Variants in TRHDE observed in about 807,000 individuals in gnomAD.
TRHDE encodes thyrotropin releasing hormone degrading enzyme.
TRHDE carries 72 observed loss-of-function variants against 125.7 expected under a neutral mutation model. The ratio of observed to expected loss-of-function variants is 0.57; its 90% CI spans 0.47 to 0.70. The LOEUF (loss-of-function observed/expected upper bound fraction) is 0.70, where lower values mean the gene tolerates loss of function less well. Ranked by LOEUF, TRHDE falls within the 30% of genes least tolerant of loss-of-function variation. TRHDE has a pLI of 0.00. For missense variants in TRHDE, 1,110 were observed against 1,327.1 expected (o/e 0.84, Z 2.54); for synonymous variants, 509 against 509.1 (o/e 1.00, Z 0.00).
intron 3 of TRHDE, among the ~76,000 whole-genome samples, chr12:72,454,214 ACT>A (rs1019423359): frequency 6.6e-6 from 1 of 151,896 alleles, no homozygotes; most frequent in South Asian, 2.1e-4. Flanking sequence ...TATGTAATCA[ACT>A]CTTTGTTTTT....
chr12:72,505,516 A>G (rs1282653721), intron 6 of TRHDE, among the ~76,000 whole-genome samples: 1 of 152,180 alleles, frequency 6.6e-6, no homozygotes, highest in Non-Finnish European at 1.5e-5. Flanking sequence ...GGTTGCTACA[A>G]GCTTGGAAGA....
chr12:72,321,527 T>A (rs752391847), intron 2 of TRHDE, among the ~76,000 whole-genome samples: 1 of 152,170 alleles, frequency 6.6e-6, no homozygotes, highest in Non-Finnish European at 1.5e-5. Context: ...AAATTCACCT[T>A]GCATTTGATG....
chr12:72,350,022 A>G (rs1301090569), intron 2 of TRHDE, among the ~76,000 whole-genome samples: 1 of 151,918 alleles, frequency 6.6e-6, no homozygotes, highest in Admixed American at 6.6e-5. Context: ...AAATGATACC[A>G]TTTTATGTGC....
At chr12:72,503,281 T>G (rs973596310) in intron 6 of TRHDE, among the ~76,000 whole-genome samples, 1 of 152,192 alleles carries the variant, frequency 6.6e-6, no homozygotes, top group Non-Finnish European at 1.5e-5. Context: ...GTAAGTATGT[T>G]GAGTTATGGT....
intron 12 of TRHDE, among the ~76,000 whole-genome samples, chr12:72,606,460 G>T (rs1013887914): frequency 6.6e-6 from 1 of 152,130 alleles, no homozygotes. Context: ...CCACCTTTGT[G>T]TGGCACTTTA....
chr12:72,216,600 A>G (rs1248150764), intron 2 of TRHDE, among the ~76,000 whole-genome samples: 1 of 152,182 alleles, frequency 6.6e-6, no homozygotes, highest in Non-Finnish European at 1.5e-5. Flanking sequence ...TGCACCTTAA[A>G]GAGAAAAAAA....
chr12:72,294,416 C>T (rs1880209414), intron 2 of TRHDE, among the ~76,000 whole-genome samples: 1 of 152,040 alleles, frequency 6.6e-6, no homozygotes, highest in African/African-American at 2.4e-5. Flanking sequence ...GCCAGGGTAT[C>T]CTGACAAGTG....
At chr12:72,108,670 T>TCACCAGAA (rs1413868790) in intron 2 of TRHDE, among the ~76,000 whole-genome samples, 16 of 152,116 alleles carry the variant, frequency 1.1e-4, no homozygotes, top group African/African-American at 3.4e-4. Flanking sequence ...AACCTGGTGT[T>TCACCAGAA]CTGGTGCAGT....
At chr12:72,167,441 T>G (rs1428095972) in intron 2 of TRHDE, 1 of 152,226 alleles carries the variant, frequency 6.6e-6, no homozygotes, top group Non-Finnish European at 1.5e-5. Context: ...TGGATTTACC[T>G]TCTCTGCTTA....
intron 3 of TRHDE, among the ~76,000 whole-genome samples, chr12:72,437,651 C>T (rs1293155837): frequency 6.6e-6 from 1 of 151,666 alleles, no homozygotes; most frequent in Non-Finnish European, 1.5e-5. Flanking sequence ...CATTTTGACT[C>T]ACTTTTTAAA....
chr12:72,365,462 A>C (rs888249281), intron 2 of TRHDE, among the ~76,000 whole-genome samples: 2 of 152,116 alleles, frequency 1.3e-5, no homozygotes, highest in Non-Finnish European at 2.9e-5. Flanking sequence ...TTCTGATGCA[A>C]ACATTGTGGG....
At position 72,530,047 on chromosome 12, in the gene TRHDE, T is replaced by C. The variant is rs577150696; in HGVS notation, c.1723-12244T>C. 1.8e-4 allele frequency among the ~76,000 whole-genome samples: 27 copies of C among 152,300 alleles called. 1 individual carries two copies. The South Asian group carries it at 5.6e-3, about 32-fold the overall frequency. On this transcript the variant is annotated intron_variant, in intron 6 of 18. Coordinates refer to ENST00000261180, the MANE Select transcript of TRHDE (RefSeq NM_013381.3). ...CCATCCTCTTGTCTACTCTAGGATG[T>C]TGGTCACGTTGAGCTGTTTCTTGTC...
chr12:72,420,782 A>G (rs1040381237), intron 3 of TRHDE, among the ~76,000 whole-genome samples: 10 of 152,154 alleles, frequency 6.6e-5, no homozygotes, highest in African/African-American at 2.4e-4. Context: ...TGTAGGGAAT[A>G]TATCTCAACT....
chr12:72,580,453 T>A (rs1225318033), intron 12 of TRHDE, among the ~76,000 whole-genome samples: 3 of 152,198 alleles, frequency 2.0e-5, no homozygotes, highest in African/African-American at 7.2e-5. Context: ...TTGTTTTTTG[T>A]TTTTTGAGAT....
chr12:72,400,119 G>A (rs1872975670), intron 3 of TRHDE, among the ~76,000 whole-genome samples: 1 of 151,996 alleles, frequency 6.6e-6, no homozygotes, highest in Admixed American at 6.6e-5. Flanking sequence ...GTCACTTATT[G>A]GGTGAATATA....
chr12:72,603,798 C>T (rs1176270239), intron 12 of TRHDE, among the ~76,000 whole-genome samples: 1 of 151,780 alleles, frequency 6.6e-6, no homozygotes, highest in African/African-American at 2.4e-5. Flanking sequence ...GATTGAAGTG[C>T]ACCCTGTGTT....
At chr12:72,427,732 G>A (rs1045635454) in intron 3 of TRHDE, among the ~76,000 whole-genome samples, 7 of 152,174 alleles carry the variant, frequency 4.6e-5, no homozygotes, top group African/African-American at 1.4e-4. Flanking sequence ...GCTCTGTGAT[G>A]ATAGAATAAT....
At chr12:72,195,898 G>T (rs151314589) in intron 2 of TRHDE, among the ~76,000 whole-genome samples, 3 of 152,038 alleles carry the variant, frequency 2.0e-5, no homozygotes, top group African/African-American at 4.8e-5. Flanking sequence ...GTTAATTTTT[G>T]TATATAAGGT....
At chr12:72,563,510 T>A (rs890140544) in intron 9 of TRHDE, among the ~76,000 whole-genome samples, 1 of 152,212 alleles carries the variant, frequency 6.6e-6, no homozygotes, top group Admixed American at 6.5e-5. Flanking sequence ...AATGATCTAA[T>A]GATTAATGCC....
Sources: gnomAD v4.1 joint callset for allele counts (sites outside exome capture counted in the v4.1 genomes callset) on GRCh38, gnomAD v4.1.1 for gene constraint, MANE v1.5 for transcripts, NCBI Gene and HGNC (gene_info 2026-07-23, HGNC 2026-07-21) for gene names.